GLIPR1L2: variants seen among roughly 807,000 people sequenced by gnomAD.
GLIPR1L2 encodes GLIPR1 like 2.
In GLIPR1L2, 21 loss-of-function variants were observed where a neutral mutation model predicts 28.4. That is an observed-to-expected ratio of 0.74 (90% CI 0.52 to 1.06). The LOEUF is 1.06. Among genes scored for constraint, GLIPR1L2 ranks in the 50% least tolerant of loss-of-function variants. GLIPR1L2 has a pLI of 0.00. For synonymous variants in GLIPR1L2, 145 were observed against 139.3 expected (o/e 1.04, Z -0.29); for missense variants, 476 against 416.9 (o/e 1.14, Z -1.23).
intron 1 of GLIPR1L2, among the ~76,000 whole-genome samples, chr12:75,407,989 C>A (rs936242255): frequency 2.0e-5 from 3 of 151,906 alleles, no homozygotes; most frequent in African/African-American, 4.8e-5. Context: ...AGAAAAGGCC[C>A]ATACCTAGAC....
intron 4 of GLIPR1L2, chr12:75,423,965 C>G (rs2046007582): frequency 6.6e-6 from 1 of 152,208 alleles, no homozygotes; most frequent in South Asian, 2.1e-4. Flanking sequence ...TCCAGTCTAT[C>G]ATTGATGGGC....
At chr12:75,406,594 CAAAAAAT>C (rs2045802618) in intron 1 of GLIPR1L2, among the ~76,000 whole-genome samples, 1 of 151,284 alleles carries the variant, frequency 6.6e-6, no homozygotes, top group Admixed American at 6.6e-5. Context: ...CTGTCTCTAC[CAAAAAAT>C]AAAAGAATTA....
chr12:75,431,365 G>A lies in GLIPR1L2; in HGVS notation c.*204G>A. 2.2e-6 allele frequency: 1 copy of A among 456,150 alleles called. No homozygotes were observed. Among genetic ancestry groups the A allele is most frequent in the East Asian group, 3.3e-5 (1 of 30,556 alleles). 28.3% of individuals were successfully genotyped at this position (456,150 alleles called of 1,614,324 possible). A position where few individuals can be genotyped will look rare whatever the true frequency, so the allele number is the denominator to read the frequency against. On this transcript the variant is annotated 3_prime_UTR_variant, in exon 6 of 6. Coordinates refer to ENST00000550916, the MANE Select transcript of GLIPR1L2 (RefSeq NM_001270396.2). ...TGTAAAACAAAGAAACAAAAAACAT[G>A]TAAGGTGGGCTCTTTGACACTAAGA...
chr12:75,432,030 A>G lies in GLIPR1L2; in HGVS notation c.*869A>G, dbSNP rs2139973516. ...TAAAATAAATGGATAGCACTAGATG[A>G]CCACTAAGACCTCTTCCATCAATGA... On this transcript the variant is annotated 3_prime_UTR_variant, in exon 6 of 6. Transcript: ENST00000550916. 1 of 152,238 alleles carries G rather than the reference A, an allele frequency of 6.6e-6. No individual in the cohort carries two copies. Among genetic ancestry groups the G allele is most frequent in the Admixed American group, 6.5e-5 (1 of 15,286 alleles). The allele number at this position is 152,238 out of a possible 1,614,324, so 9.4% of individuals were successfully genotyped here.
In GLIPR1L2 at chr12:75,430,742, G is replaced by C; in HGVS notation, c.697+1G>C. ...AATGCAGATCGTGACCAAGCCACAT[G>C]TATGTATTGTTGTCCTTTATTTCTT... On this transcript the variant is annotated splice_donor_variant, in intron 5 of 5. Transcript: ENST00000550916. LOFTEE classifies it high-confidence loss of function. 1 of 1,534,900 alleles carries C rather than the reference G, an allele frequency of 6.5e-7. No homozygotes were observed. Among genetic ancestry groups the C allele is most frequent in the Admixed American group, 2.0e-5 (1 of 50,788 alleles).
At position 75,428,787 on chromosome 12, in the gene GLIPR1L2, A is replaced by G. The variant is rs1290018277; in HGVS notation, c.671-1928A>G. 1.8e-4 allele frequency among the ~76,000 whole-genome samples: 28 copies of G among 152,202 alleles called. 1 individual carries two copies. Among genetic ancestry groups the G allele is most frequent in the Admixed American group, 1.8e-3 (27 of 15,282 alleles). On this transcript the variant is annotated intron_variant, in intron 4 of 5. Transcript: ENST00000550916. ...CCATTCCAGCTTAAGCTGTGGCTCA[A>G]AGGGGCCAAGGTACAGCTCAGGCCA... is the stretch of plus-strand genomic sequence containing the variant.
At chr12:75,422,449 C>T (rs1260963911) in intron 3 of GLIPR1L2, among the ~76,000 whole-genome samples, 2 of 151,812 alleles carry the variant, frequency 1.3e-5, no homozygotes, top group Non-Finnish European at 2.9e-5. Flanking sequence ...ACTACAGGCA[C>T]CTGCCACCGC....
Position 75,431,208 on chromosome 12 carries a change from G to T in GLIPR1L2, c.*47G>T. 1.8e-6 allele frequency: 1 copy of T among 559,986 alleles called. No homozygotes were observed. The highest frequency in any genetic ancestry group is 3.2e-5 in the Admixed American group (1 of 31,322). 34.7% of individuals were successfully genotyped at this position (559,986 alleles called of 1,614,324 possible). Reference sequence around the variant, plus strand: ...GATGTATCACCAATATAAACCAAAAGTGTAATACAAAAAAAGACAGAAAAA... The same window carrying T: ...GATGTATCACCAATATAAACCAAAATTGTAATACAAAAAAAGACAGAAAAA... On this transcript the variant is annotated 3_prime_UTR_variant, in exon 6 of 6. Coordinates refer to ENST00000550916, the MANE Select transcript of GLIPR1L2 (RefSeq NM_001270396.2).
chr12:75,425,360 C>T (rs1266689114), intron 4 of GLIPR1L2, among the ~76,000 whole-genome samples: 2 of 152,060 alleles, frequency 1.3e-5, no homozygotes, highest in Non-Finnish European at 2.9e-5. Context: ...GTAAAGGGGG[C>T]ATCCATACTT....
rs114134709 is a variant in GLIPR1L2 at position 75,411,376 on chromosome 12, A to G, written c.480+697A>G. ...CCCACATTTACTTAAAAGTTATTCA[A>G]TCAATAGACCCTGATGTCACGTTTT... is the stretch of plus-strand genomic sequence containing the variant. On this transcript the variant is annotated intron_variant, in intron 2 of 5. Transcript: ENST00000550916. 4.4e-3 allele frequency among the ~76,000 whole-genome samples: 669 copies of G among 151,990 alleles called. 3 individuals are homozygous for G. The highest frequency in any genetic ancestry group is 0.016 in the African/African-American group (648 of 41,506).
At chr12:75,406,288 A>C (rs536147799) in intron 1 of GLIPR1L2, among the ~76,000 whole-genome samples, 2 of 152,288 alleles carry the variant, frequency 1.3e-5, no homozygotes, top group African/African-American at 4.8e-5. Flanking sequence ...ATTTTTTATG[A>C]CATTGCTTTT....
chr12:75,425,794 A>G (rs369349785), intron 4 of GLIPR1L2, among the ~76,000 whole-genome samples: 20 of 152,252 alleles, frequency 1.3e-4, no homozygotes, highest in African/African-American at 4.8e-4. Flanking sequence ...GGGATTGATC[A>G]AAAAAATAAA....
intron 1 of GLIPR1L2, chr12:75,391,638 C>A: frequency 1.2e-6 from 1 of 813,764 alleles, no homozygotes; most frequent in Non-Finnish European, 1.8e-6. Context: ...TATTTTAATG[C>A]AACGGGTTTT....
At chr12:75,419,107 C>T (rs1320228940) in intron 3 of GLIPR1L2, among the ~76,000 whole-genome samples, 2 of 151,944 alleles carry the variant, frequency 1.3e-5, no homozygotes. Context: ...ACATGTATAC[C>T]TATGTAACAA....
Position 75,431,228 on chromosome 12 carries a change from GAAAAA to G in GLIPR1L2, c.*76_*80del. On this transcript the variant is annotated 3_prime_UTR_variant, in exon 6 of 6. Coordinates refer to ENST00000550916, the MANE Select transcript of GLIPR1L2 (RefSeq NM_001270396.2). ...CAAAAGTGTAATACAAAAAAAGACA[GAAAAA>G]AAAAAAAAGTAAAACACTGAGTTTT... The G allele has an allele frequency of 8.7e-6, 4 of 458,336 alleles. No homozygotes were observed. The South Asian group carries it at 1.5e-4, about 17-fold the overall frequency. The allele number at this position is 458,336 out of a possible 1,614,324, so 28.4% of individuals were successfully genotyped here.
intron 1 of GLIPR1L2, among the ~76,000 whole-genome samples, chr12:75,392,466 T>G (rs1013341694): frequency 1.3e-5 from 2 of 152,214 alleles, no homozygotes; most frequent in Admixed American, 1.3e-4. Flanking sequence ...TTTTATATTG[T>G]CAGCATTTCC....
At chr12:75,397,144 T>G (rs1367224955) in intron 1 of GLIPR1L2, among the ~76,000 whole-genome samples, 2 of 152,132 alleles carry the variant, frequency 1.3e-5, no homozygotes, top group African/African-American at 2.4e-5. Flanking sequence ...AGTCCATCTC[T>G]TTTTCTGTTT....
intron 1 of GLIPR1L2, among the ~76,000 whole-genome samples, chr12:75,394,353 CT>C (rs1399181579): frequency 6.6e-6 from 1 of 151,932 alleles, no homozygotes; most frequent in Non-Finnish European, 1.5e-5. Flanking sequence ...TATCATGAAG[CT>C]TTTCCCCTGT....
chr12:75,418,672 G>T (rs2045947611), intron 3 of GLIPR1L2, among the ~76,000 whole-genome samples: 1 of 151,350 alleles, frequency 6.6e-6, no homozygotes, highest in Admixed American at 6.6e-5. Flanking sequence ...GCTCTTTTTA[G>T]TTCCATATGA....
Sources: gnomAD v4.1 joint callset for allele counts (sites outside exome capture counted in the v4.1 genomes callset) on GRCh38, gnomAD v4.1.1 for gene constraint, MANE v1.5 for transcripts, NCBI Gene and HGNC (gene_info 2026-07-23, HGNC 2026-07-21) for gene names.